Variants in RAC1 observed in about 807,000 individuals in gnomAD.
The protein encoded by RAC1 is ras-related C3 botulinum toxin substrate 1.
RAC1 carries 2 observed loss-of-function variants against 25.2 expected under a neutral mutation model. The ratio of observed to expected loss-of-function variants is 0.08; its 90% CI spans 0.03 to 0.25. RAC1 has a LOEUF of 0.25. RAC1 is among the 10% of genes least tolerant of loss of function. The pLI, the probability that RAC1 is intolerant of heterozygous loss-of-function variation, is 1.00. For synonymous variants in RAC1, 88 were observed against 94.0 expected (o/e 0.94, Z 0.37); for missense variants, 50 against 235.7 (o/e 0.21, Z 5.16).
chr7:6,397,240 CAA>C (rs375004213), intron 3 of RAC1, among the ~76,000 whole-genome samples: 20 of 104,644 alleles, frequency 1.9e-4, no homozygotes, highest in African/African-American at 2.7e-4. Flanking sequence ...GACTCTGTCT[CAA>C]AAAAAAAAAA....
chr7:6,388,069 G>T (rs938279437), intron 2 of RAC1, among the ~76,000 whole-genome samples: 1 of 152,128 alleles, frequency 6.6e-6, no homozygotes, highest in Non-Finnish European at 1.5e-5. Context: ...GTTGAAGGGG[G>T]AATGGGAGGG....
At chr7:6,392,559 C>T (rs927872772) in intron 3 of RAC1, among the ~76,000 whole-genome samples, 3 of 152,170 alleles carry the variant, frequency 2.0e-5, no homozygotes, top group East Asian at 3.8e-4. Context: ...AATGTATCCA[C>T]TGTGTCTAAT....
At chr7:6,385,275 T>A (rs1309295437) in intron 1 of RAC1, among the ~76,000 whole-genome samples, 1 of 152,218 alleles carries the variant, frequency 6.6e-6, no homozygotes, top group East Asian at 1.9e-4. Context: ...TTGATACATC[T>A]TTAGCACCTA....
chr7:6,389,364 A>T (rs1490180041), intron 2 of RAC1, among the ~76,000 whole-genome samples: 2 of 151,460 alleles, frequency 1.3e-5, no homozygotes, highest in East Asian at 3.9e-4. Context: ...CCAATCACAG[A>T]TGTGGTTAAA....
intron 3 of RAC1, among the ~76,000 whole-genome samples, chr7:6,397,385 C>T (rs1246205048): frequency 6.6e-6 from 1 of 151,992 alleles, no homozygotes; most frequent in African/African-American, 2.4e-5. Context: ...ACCTCCACCT[C>T]CCGGGTTCAA....
At chr7:6,384,590 G>A (rs568862928) in intron 1 of RAC1, among the ~76,000 whole-genome samples, 3 of 152,206 alleles carry the variant, frequency 2.0e-5, no homozygotes, top group Non-Finnish European at 2.9e-5. Context: ...GGATCCTCTT[G>A]CTTCAGCCTC....
chr7:6,399,856 C>G (rs929167872), intron 3 of RAC1: 91 of 482,476 alleles, frequency 1.9e-4, no homozygotes, highest in African/African-American at 1.7e-3. Flanking sequence ...TCCTGAGGGT[C>G]TGGTCTGATC....
intron 1 of RAC1, among the ~76,000 whole-genome samples, chr7:6,383,469 T>A (rs1214276605): frequency 1.3e-5 from 2 of 152,222 alleles, no homozygotes; most frequent in Admixed American, 6.6e-5. Flanking sequence ...CATATTCTTA[T>A]AAGACATAGA....
rs35064729 is a variant in RAC1 at position 6,377,379 on chromosome 7, A to G, written c.35+2609A>G. 5.9e-5 allele frequency among the ~76,000 whole-genome samples: 9 copies of G among 152,100 alleles called. No homozygotes were observed. In the East Asian group the frequency reaches 1.5e-3, roughly 26 times the overall value. ...GAGGCCAAGGTGGGTGGATCACTAG[A>G]GCTTAGGAGTTCAAGACCAGCCTGG... On this transcript the variant is annotated intron_variant, in intron 1 of 5. Coordinates refer to ENST00000348035, the MANE Select transcript of RAC1 (RefSeq NM_006908.5).
At chr7:6,401,596 C>A in intron 4 of RAC1, 1 of 253,286 alleles carries the variant, frequency 3.9e-6, no homozygotes, top group Non-Finnish European at 7.5e-6. Context: ...TTTCTCTTCC[C>A]TTCCCCCCTT....
chr7:6,380,851 ATTTTGTTTTTTG>A (rs1430501720), intron 1 of RAC1, among the ~76,000 whole-genome samples: 1 of 151,938 alleles, frequency 6.6e-6, no homozygotes, highest in Admixed American at 6.6e-5. Context: ...AGAGGAGTTG[ATTTTGTTTTTTG>A]TTTTGTTTTG....
At chr7:6,380,148 T>C (rs554503510) in intron 1 of RAC1, among the ~76,000 whole-genome samples, 15 of 152,316 alleles carry the variant, frequency 9.8e-5, no homozygotes, top group Admixed American at 9.2e-4. Context: ...CATTTATTCT[T>C]TACTTCTGTT....
chr7:6,378,104 A>G lies in RAC1; in HGVS notation c.35+3334A>G, dbSNP rs553472078. Among the ~76,000 whole-genome samples, 8 of 152,140 alleles carry G rather than the reference A, an allele frequency of 5.3e-5. No individual in the cohort carries two copies. In the East Asian group the frequency reaches 1.5e-3, roughly 29 times the overall value. Reference sequence around the variant, plus strand: ...ATGGTTCTGTCTTATCATTTCTAGAATTGGATGCCTTGCCATCTTGTTTGC... The same window carrying G: ...ATGGTTCTGTCTTATCATTTCTAGAGTTGGATGCCTTGCCATCTTGTTTGC... On this transcript the variant is annotated intron_variant, in intron 1 of 5. Coordinates refer to ENST00000348035, the MANE Select transcript of RAC1 (RefSeq NM_006908.5).
intron 1 of RAC1, among the ~76,000 whole-genome samples, chr7:6,375,617 C>T (rs1012801244): frequency 6.6e-6 from 1 of 151,866 alleles, no homozygotes; most frequent in Non-Finnish European, 1.5e-5. Flanking sequence ...TTTGAAGATG[C>T]TGGCTGGGAG....
intron 1 of RAC1, among the ~76,000 whole-genome samples, chr7:6,381,263 G>T (rs746082313): frequency 3.4e-4 from 52 of 152,132 alleles, no homozygotes; most frequent in Non-Finnish European, 7.4e-5. Context: ...ACTACACCAG[G>T]GTTAGCCTTG....
At chr7:6,395,295 G>C (rs559710707) in intron 3 of RAC1, among the ~76,000 whole-genome samples, 6 of 152,078 alleles carry the variant, frequency 3.9e-5, no homozygotes, top group Admixed American at 1.3e-4. Flanking sequence ...TGGTGGGCTA[G>C]ACTCCTGTGA....
At chr7:6,402,095 G>A in intron 5 of RAC1, 68 bp downstream of exon 5, 1 of 1,545,080 alleles carries the variant, frequency 6.5e-7, no homozygotes, top group Non-Finnish European at 8.8e-7. Context: ...CTGGAGTCCA[G>A]TCTGGGAAAG....
At chr7:6,396,134 C>G (rs1783228787) in intron 3 of RAC1, among the ~76,000 whole-genome samples, 1 of 152,136 alleles carries the variant, frequency 6.6e-6, no homozygotes, top group African/African-American at 2.4e-5. Flanking sequence ...AAGCAGTGCT[C>G]AGGTTGACTG....
chr7:6,374,909 G>A, intron 1 of RAC1, 139 bp downstream of exon 1: 1 of 686,960 alleles, frequency 1.5e-6, no homozygotes, highest in Non-Finnish European at 1.8e-6. Context: ...TCGCGGGGCG[G>A]GGGCCGCGGG....
Sources: allele counts gnomAD v4.1 joint callset (sites outside exome capture counted in the v4.1 genomes callset), GRCh38; gene constraint gnomAD v4.1.1; transcripts MANE v1.5; gene names NCBI Gene and HGNC (gene_info 2026-07-23, HGNC 2026-07-21).